Variants in LMO7 observed in about 807,000 individuals in gnomAD.
LMO7 encodes LIM domain 7.
Under a neutral mutation model 206.5 loss-of-function variants are expected in LMO7, and 120 were observed. The observed-to-expected ratio is 0.58, with a 90% CI of 0.50 to 0.68. The LOEUF is 0.68. Among genes scored for constraint, LMO7 ranks in the 30% least tolerant of loss-of-function variants. The probability of loss-of-function intolerance (pLI) is 0.00; values close to 1 mark genes in which losing one functional copy is unlikely to be tolerated. For missense variants in LMO7, 1,959 were observed against 1,957.9 expected, an observed-to-expected ratio of 1.00 and a Z score of -0.01; for synonymous variants, 706 against 681.5, an observed-to-expected ratio of 1.04 and a Z score of -0.56.
At chr13:75,760,473 C>T (rs544346405) in intron 3 of LMO7, 79 of 1,224,248 alleles carry the variant, frequency 6.5e-5, no homozygotes, top group Non-Finnish European at 7.4e-5. Context: ...ATCATAGAAA[C>T]AGAATGTTCC....
intron 13 of LMO7, among the ~76,000 whole-genome samples, chr13:75,820,029 G>A (rs1595281210): frequency 6.6e-6 from 1 of 152,244 alleles, no homozygotes. Context: ...CATCTTAACA[G>A]TATAAAGGTC....
intron 2 of LMO7, among the ~76,000 whole-genome samples, chr13:75,716,956 G>A (rs1219632600): frequency 6.7e-6 from 1 of 148,364 alleles, no homozygotes; most frequent in Non-Finnish European, 1.5e-5. Flanking sequence ...CTGATTGGGT[G>A]TGTCAGTGGT....
intron 4 of LMO7, among the ~76,000 whole-genome samples, chr13:75,763,652 G>A (rs181914203): frequency 6.6e-5 from 10 of 152,160 alleles, no homozygotes; most frequent in Admixed American, 5.9e-4. Flanking sequence ...TGAATCTACC[G>A]GTGCATAGAC....
At chr13:75,781,120 G>A (rs200049593) in intron 4 of LMO7, among the ~76,000 whole-genome samples, 1 of 30,668 alleles carries the variant, frequency 3.3e-5, no homozygotes. Context: ...TTTTTTTTTT[G>A]CTTTTTTTTT....
Position 75,797,750 on chromosome 13 carries a change from G to A in LMO7, c.462+1001G>A, listed in dbSNP as rs547401978. On this transcript the variant is annotated intron_variant, in intron 6 of 30. Coordinates refer to ENST00000377534, the MANE Select transcript of LMO7 (RefSeq NM_001306080.2). ...AGCCCAGCCACATGTATTATAGCAA[G>A]AGGTGGGATTATAGAGCCTAGAAGA... is the stretch of plus-strand genomic sequence containing the variant. Among the ~76,000 whole-genome samples, 3 of 152,316 alleles carry A rather than the reference G, an allele frequency of 2.0e-5. No individual in the cohort carries two copies. In the East Asian group the frequency reaches 5.8e-4, roughly 29 times the overall value.
intron 15 of LMO7, among the ~76,000 whole-genome samples, chr13:75,829,700 GT>G (rs34119641): frequency 0.66 from 98,358 of 150,038 alleles, 32,354 homozygotes; most frequent in Middle Eastern, 0.78. Context: ...TATTGGCCCT[GT>G]TTTTTTTTTT....
At chr13:75,768,827 C>T (rs2049247018) in intron 4 of LMO7, among the ~76,000 whole-genome samples, 2 of 152,092 alleles carry the variant, frequency 1.3e-5, no homozygotes, top group Non-Finnish European at 2.9e-5. Flanking sequence ...ACATCGCAGT[C>T]ACATTTTCCT....
At chr13:75,699,404 AT>A (rs57799165) in intron 1 of LMO7, among the ~76,000 whole-genome samples, 3,654 of 141,730 alleles carry the variant, frequency 0.026, 68 homozygotes, top group East Asian at 0.09. Flanking sequence ...AAGATAGAAG[AT>A]TTTTTTTTTT....
intron 27 of LMO7, among the ~76,000 whole-genome samples, chr13:75,850,301 G>A (rs1055362681): frequency 2.0e-5 from 3 of 152,170 alleles, no homozygotes; most frequent in Admixed American, 6.5e-5. Flanking sequence ...GGAAATAGGA[G>A]TTCTTCTTTC....
chr13:75,795,567 C>A (rs755357510), intron 5 of LMO7, 136 bp downstream of exon 5: 28 of 616,732 alleles, frequency 4.5e-5, no homozygotes, highest in Non-Finnish European at 7.7e-5. Flanking sequence ...CAGTTACAAA[C>A]AGTAAATATG....
In LMO7 at chr13:75,853,276, C is replaced by T. The variant is rs772897356; in HGVS notation, c.4549C>T (p.Pro1517Ser). Residue 1517 changes from proline to serine, a missense_variant, in exon 28 of 31, where the codon CCT (proline) becomes TCT (serine). Transcript: ENST00000377534. ...GAACCCCTCCTCCAGCGTGCCCCCA[C>T]CTTCAGCTGGCTCCGTGAAGACCTC... ...MRNPSSSVPP[P>S]SAGSVKTSTT... 49 of 1,614,030 alleles carry T rather than the reference C, an allele frequency of 3.0e-5. No individual in the cohort carries two copies. In the Middle Eastern group the frequency reaches 9.9e-4, roughly 32 times the overall value.
intron 2 of LMO7, among the ~76,000 whole-genome samples, chr13:75,629,580 C>T (rs559376270): frequency 2.0e-5 from 3 of 152,194 alleles, no homozygotes; most frequent in South Asian, 2.1e-4. Flanking sequence ...CAGGTCAAGT[C>T]GTGGTTAGAG....
At chr13:75,644,488 A>G (rs1454101528) in intron 1 of LMO7, among the ~76,000 whole-genome samples, 1 of 152,162 alleles carries the variant, frequency 6.6e-6, no homozygotes, top group Non-Finnish European at 1.5e-5. Flanking sequence ...GTTCCACCTA[A>G]AGCTGTAAGA....
At chr13:75,722,300 C>T (rs1283869257) in intron 2 of LMO7, among the ~76,000 whole-genome samples, 2 of 152,162 alleles carry the variant, frequency 1.3e-5, no homozygotes, top group African/African-American at 2.4e-5. Context: ...GCAATCTATA[C>T]ATCTGACAAA....
intron 15 of LMO7, among the ~76,000 whole-genome samples, chr13:75,824,186 A>G (rs1262199413): frequency 6.6e-6 from 1 of 152,110 alleles, no homozygotes; most frequent in African/African-American, 2.4e-5. Context: ...CTATAGTCCC[A>G]GGTTTCAGGT....
chr13:75,717,686 C>T (rs2043668570), intron 2 of LMO7, among the ~76,000 whole-genome samples: 1 of 152,116 alleles, frequency 6.6e-6, no homozygotes, highest in African/African-American at 2.4e-5. Context: ...CTTGTCATTC[C>T]TGCCAAGAGA....
intron 4 of LMO7, among the ~76,000 whole-genome samples, chr13:75,761,799 A>G (rs554298092): frequency 6.6e-6 from 1 of 152,172 alleles, no homozygotes; most frequent in Non-Finnish European, 1.5e-5. Context: ...TAATTTTATA[A>G]TAACTATCTC....
At chr13:75,654,385 T>C (rs950487935) in intron 1 of LMO7, among the ~76,000 whole-genome samples, 1 of 152,214 alleles carries the variant, frequency 6.6e-6, no homozygotes, top group Admixed American at 6.5e-5. Flanking sequence ...GGGGAAGAAT[T>C]AGCCTGATCT....
chr13:75,686,029 C>A (rs2040955500), intron 1 of LMO7, among the ~76,000 whole-genome samples: 2 of 151,540 alleles, frequency 1.3e-5, no homozygotes, highest in Non-Finnish European at 2.9e-5. Context: ...TGTGCATGAC[C>A]ACTCCTGGCT....
Sources: gnomAD v4.1 joint callset for allele counts (sites outside exome capture counted in the v4.1 genomes callset) on GRCh38, gnomAD v4.1.1 for gene constraint, MANE v1.5 for transcripts, NCBI Gene and HGNC (gene_info 2026-07-23, HGNC 2026-07-21) for gene names.